RASGRF2: variants seen among roughly 807,000 people sequenced by gnomAD.
The protein encoded by RASGRF2 is Ras protein specific guanine nucleotide releasing factor 2, also known as ras-specific guanine nucleotide-releasing factor 2.
Under a neutral mutation model 151.0 loss-of-function variants are expected in RASGRF2, and 76 were observed. The observed-to-expected ratio is 0.50, with a 90% confidence interval of 0.42 to 0.61. The LOEUF is 0.61. Among genes scored for constraint, RASGRF2 ranks in the 20% least tolerant of loss-of-function variants. The pLI is 0.00. For synonymous variants in RASGRF2, 504 were observed against 566.5 expected, an observed-to-expected ratio of 0.89 and a Z score of 1.57; for missense variants, 1,148 against 1,564.6, an observed-to-expected ratio of 0.73 and a Z score of 4.49.
At chr5:81,166,845 C>A (rs1423198762) in intron 17 of RASGRF2, among the ~76,000 whole-genome samples, 2 of 152,096 alleles carry the variant, frequency 1.3e-5, no homozygotes, top group Non-Finnish European at 2.9e-5. Context: ...TAAGGCCGTT[C>A]ATTGAGCTAA....
At chr5:80,981,021 G>A (rs971439945) in intron 1 of RASGRF2, among the ~76,000 whole-genome samples, 3 of 152,278 alleles carry the variant, frequency 2.0e-5, no homozygotes, top group South Asian at 2.1e-4. Context: ...TAGATACTTC[G>A]TAATGTCTTC....
At position 81,139,990 on chromosome 5, in the gene RASGRF2, G is replaced by C. The variant is rs150559719; in HGVS notation, c.2686+12827G>C. On this transcript the variant is annotated intron_variant, in intron 17 of 26. Transcript: ENST00000265080. ...CTATAGTTATGCACCACTAAATCTG[G>C]CTAATTTTTTTTAGGTTTCGTAGAG... Among the ~76,000 whole-genome samples, 720 of 152,088 alleles carry C rather than the reference G, an allele frequency of 4.7e-3. 5 individuals are homozygous for C. Among genetic ancestry groups the C allele is most frequent in the African/African-American group, 0.017 (694 of 41,462 alleles).
intron 12 of RASGRF2, among the ~76,000 whole-genome samples, chr5:81,101,315 A>T (rs893835291): frequency 6.6e-6 from 1 of 152,180 alleles, no homozygotes; most frequent in African/African-American, 2.4e-5. Flanking sequence ...AAGTCTGTTC[A>T]TGTACACACT....
chr5:81,122,806 G>GC (rs1400083241), intron 15 of RASGRF2, among the ~76,000 whole-genome samples: 1 of 152,168 alleles, frequency 6.6e-6, no homozygotes, highest in African/African-American at 2.4e-5. Context: ...AGTGGGAGGG[G>GC]CATAGAAACA....
chr5:81,022,736 AG>A (rs1749873841), intron 1 of RASGRF2, among the ~76,000 whole-genome samples: 1 of 151,806 alleles, frequency 6.6e-6, no homozygotes, highest in Admixed American at 6.6e-5. Context: ...TCCCTGGGAG[AG>A]GGGGGCACTA....
At chr5:81,018,175 G>A (rs1460199824) in intron 1 of RASGRF2, among the ~76,000 whole-genome samples, 1 of 152,022 alleles carries the variant, frequency 6.6e-6, no homozygotes, top group Non-Finnish European at 1.5e-5. Flanking sequence ...TTCTTCAGTT[G>A]GTGCCCCACC....
intron 17 of RASGRF2, among the ~76,000 whole-genome samples, chr5:81,133,165 A>C (rs897691503): frequency 6.6e-6 from 1 of 152,242 alleles, no homozygotes; most frequent in Admixed American, 6.5e-5. Context: ...ACAGTTGACC[A>C]GGTGTTAATA....
chr5:81,036,498 T>C (rs73766169), intron 1 of RASGRF2, among the ~76,000 whole-genome samples: 2,517 of 152,266 alleles, frequency 0.017, 82 homozygotes, highest in African/African-American at 0.056. Context: ...GATAAGTTTA[T>C]GTTTTCTTCC....
intron 1 of RASGRF2, among the ~76,000 whole-genome samples, chr5:80,984,339 C>G (rs1748410081): frequency 6.6e-6 from 1 of 152,222 alleles, no homozygotes; most frequent in African/African-American, 2.4e-5. Flanking sequence ...AGGCATGAGC[C>G]ACTGCACCTG....
At chr5:81,134,577 G>A (rs749446126) in intron 17 of RASGRF2, among the ~76,000 whole-genome samples, 4 of 152,132 alleles carry the variant, frequency 2.6e-5, no homozygotes, top group Non-Finnish European at 4.4e-5. Flanking sequence ...TCTGAGGATG[G>A]GGCACAGCAT....
chr5:81,214,931 A>G (rs1404907421), intron 23 of RASGRF2, among the ~76,000 whole-genome samples: 1 of 152,270 alleles, frequency 6.6e-6, no homozygotes, highest in Non-Finnish European at 1.5e-5. Context: ...GATCTGTAGT[A>G]GAGGACATTG....
chr5:81,030,524 C>G (rs1016017177), intron 1 of RASGRF2, among the ~76,000 whole-genome samples: 2 of 152,298 alleles, frequency 1.3e-5, no homozygotes, highest in Admixed American at 1.3e-4. Context: ...GAATTTTCAA[C>G]CCAGAATTTC....
At chr5:80,987,134 G>A (rs962575955) in intron 1 of RASGRF2, among the ~76,000 whole-genome samples, 2 of 152,220 alleles carry the variant, frequency 1.3e-5, no homozygotes, top group Non-Finnish European at 2.9e-5. Flanking sequence ...CACCTTGCCA[G>A]TGGTCTCTGC....
intron 1 of RASGRF2, among the ~76,000 whole-genome samples, chr5:80,965,553 G>A (rs551693021): frequency 1.6e-4 from 25 of 152,156 alleles, no homozygotes; most frequent in Non-Finnish European, 3.1e-4. Context: ...CATCCCTGAT[G>A]TGACAGATGT....
At position 80,963,999 on chromosome 5, in the gene RASGRF2, G is replaced by GT. The variant is rs149116989; in HGVS notation, c.288+2989dup. Among the ~76,000 whole-genome samples the GT allele has an allele frequency of 2.1e-3, 293 of 141,654 alleles. 2 individuals are homozygous for GT. The highest frequency in any genetic ancestry group is 5.9e-3 in the South Asian group (26 of 4,412). The allele number at this position is 141,654 out of a possible 152,430, so 92.9% of individuals were successfully genotyped here. A position where few individuals can be genotyped will look rare whatever the true frequency, so the allele number is the denominator to read the frequency against. On this transcript the variant is annotated intron_variant, in intron 1 of 26. Coordinates refer to ENST00000265080, the MANE Select transcript of RASGRF2 (RefSeq NM_006909.3). ...TTGGTTGACAACAACAAAAAAATCC[G>GT]TTTTTTTTTTTTTTTTACACTTGGA...
intron 18 of RASGRF2, among the ~76,000 whole-genome samples, chr5:81,199,700 C>A (rs374405689): frequency 6.6e-6 from 1 of 152,030 alleles, no homozygotes; most frequent in South Asian, 2.1e-4. Flanking sequence ...GAGTTTGAGA[C>A]CAGCCTGGCC....
chr5:81,058,583 A>G (rs1189744745), intron 2 of RASGRF2, among the ~76,000 whole-genome samples: 1 of 152,144 alleles, frequency 6.6e-6, no homozygotes, highest in Non-Finnish European at 1.5e-5. Flanking sequence ...CCTGAAAATT[A>G]CTATGTGAAG....
intron 1 of RASGRF2, among the ~76,000 whole-genome samples, chr5:80,986,908 T>A (rs920688732): frequency 6.6e-6 from 1 of 152,158 alleles, no homozygotes; most frequent in Non-Finnish European, 1.5e-5. Flanking sequence ...CCACCCTCTT[T>A]CCAGAACCTT....
Position 81,225,834 on chromosome 5 carries a change from A to G in RASGRF2, c.*64A>G. 6.4e-7 allele frequency: 1 copy of G among 1,554,300 alleles called. No homozygotes were observed. The highest frequency in any genetic ancestry group is 8.7e-7 in the Non-Finnish European group (1 of 1,144,904). The stretch of plus-strand genomic sequence containing the variant: ...GAAAGCAGGACAGACAGAATTGTGT[A>G]TGCCTTGCCTATCACGGTACAGCAC... On this transcript the variant is annotated 3_prime_UTR_variant, in exon 27 of 27. Coordinates refer to ENST00000265080, the MANE Select transcript of RASGRF2 (RefSeq NM_006909.3).
Sources: gnomAD v4.1 joint callset for allele counts (sites outside exome capture counted in the v4.1 genomes callset) on GRCh38, gnomAD v4.1.1 for gene constraint, MANE v1.5 for transcripts, NCBI Gene and HGNC (gene_info 2026-07-23, HGNC 2026-07-21) for gene names.